Variants in KCTD16 observed in about 807,000 individuals in gnomAD.
KCTD16 encodes potassium channel tetramerization domain containing 16.
A neutral mutation model predicts 33.2 loss-of-function variants in KCTD16; 13 were observed. The observed-to-expected ratio is 0.39, with a 90% CI of 0.25 to 0.62. The LOEUF (loss-of-function observed/expected upper bound fraction) is 0.62, where lower values mean the gene tolerates loss of function less well. Ranked by LOEUF, KCTD16 falls within the 20% of genes least tolerant of loss-of-function variation. KCTD16 has a pLI of 0.50. For missense variants in KCTD16, 441 were observed against 525.1 expected (o/e 0.84, Z 1.57); for synonymous variants, 197 against 195.3 (o/e 1.01, Z -0.07).
In KCTD16 at chr5:144,249,725, G is replaced by A. The variant is rs1754644098; in HGVS notation, c.832+42179G>A. Among the ~76,000 whole-genome samples the A allele has an allele frequency of 4.6e-5, 7 of 152,158 alleles. No individual in the cohort carries two copies. In the South Asian group the frequency reaches 1.5e-3, roughly 32 times the overall value. On this transcript the variant is annotated intron_variant, in intron 3 of 3. Transcript: ENST00000512467. ...TTGTATTAACAATACAAGATCAATAGGTCAGGCTATCCGTATTTTATATAT... is the reference window on the plus strand; with the variant it reads ...TTGTATTAACAATACAAGATCAATAAGTCAGGCTATCCGTATTTTATATAT...
At chr5:144,362,852 A>C (rs1481302850) in intron 3 of KCTD16, among the ~76,000 whole-genome samples, 1 of 152,142 alleles carries the variant, frequency 6.6e-6, no homozygotes, top group Non-Finnish European at 1.5e-5. Context: ...CTTCCTTATC[A>C]GTGTAATGAG....
At chr5:144,400,519 G>T (rs1752679376) in intron 3 of KCTD16, among the ~76,000 whole-genome samples, 1 of 152,156 alleles carries the variant, frequency 6.6e-6, no homozygotes, top group African/African-American at 2.4e-5. Flanking sequence ...GGAAATAGGG[G>T]TGTGGAATAT....
intron 3 of KCTD16, among the ~76,000 whole-genome samples, chr5:144,267,029 C>T (rs753550037): frequency 1.3e-5 from 2 of 152,092 alleles, no homozygotes; most frequent in Admixed American, 6.6e-5. Context: ...ACACACATAC[C>T]TTGCATGCAG....
At chr5:144,355,441 G>T (rs1751549435) in intron 3 of KCTD16, among the ~76,000 whole-genome samples, 1 of 152,132 alleles carries the variant, frequency 6.6e-6, no homozygotes, top group Non-Finnish European at 1.5e-5. Flanking sequence ...TGTTAGGAAA[G>T]GTGAAACTTC....
At chr5:144,246,893 A>C (rs1561541936) in intron 3 of KCTD16, among the ~76,000 whole-genome samples, 1 of 152,170 alleles carries the variant, frequency 6.6e-6, no homozygotes, top group Non-Finnish European at 1.5e-5. Context: ...GGAGAGCATG[A>C]ACTTTGGAGT....
chr5:144,452,537 T>A (rs1427320722), intron 3 of KCTD16, among the ~76,000 whole-genome samples: 1 of 151,520 alleles, frequency 6.6e-6, no homozygotes, highest in Admixed American at 6.6e-5. Context: ...AGAAAGAGCA[T>A]TGCTAGATAA....
chr5:144,399,211 C>T (rs749423027), intron 3 of KCTD16, among the ~76,000 whole-genome samples: 4 of 152,116 alleles, frequency 2.6e-5, no homozygotes, highest in Admixed American at 1.3e-4. Context: ...ATACAGGTTA[C>T]CTAGCATAAG....
intron 3 of KCTD16, among the ~76,000 whole-genome samples, chr5:144,316,826 C>CCT (rs1751929308): frequency 1.8e-5 from 2 of 111,172 alleles, no homozygotes; most frequent in African/African-American, 3.4e-5. Context: ...GCCAGCATCC[C>CCT]TTTTTTTTTT....
At chr5:144,436,807 C>T (rs1024925373) in intron 3 of KCTD16, among the ~76,000 whole-genome samples, 3 of 152,030 alleles carry the variant, frequency 2.0e-5, no homozygotes, top group South Asian at 2.1e-4. Context: ...AGGCTGGTCT[C>T]GAACTCCTGA....
At chr5:144,397,376 A>G (rs1478088163) in intron 3 of KCTD16, among the ~76,000 whole-genome samples, 1 of 152,154 alleles carries the variant, frequency 6.6e-6, no homozygotes, top group African/African-American at 2.4e-5. Flanking sequence ...TAGTGCCGCA[A>G]TAAACATACG....
At chr5:144,408,692 A>G (rs1025248354) in intron 3 of KCTD16, among the ~76,000 whole-genome samples, 1 of 152,166 alleles carries the variant, frequency 6.6e-6, no homozygotes, top group African/African-American at 2.4e-5. Context: ...ATAAATCCAC[A>G]TATGTTACCT....
At chr5:144,313,641 T>C (rs547809691) in intron 3 of KCTD16, among the ~76,000 whole-genome samples, 15 of 152,332 alleles carry the variant, frequency 9.8e-5, no homozygotes, top group Non-Finnish European at 2.1e-4. Flanking sequence ...TAAACAGTAC[T>C]ACTCTCCTCT....
chr5:144,416,546 T>A (rs1175243599), intron 3 of KCTD16, among the ~76,000 whole-genome samples: 2 of 152,206 alleles, frequency 1.3e-5, no homozygotes, highest in Non-Finnish European at 2.9e-5. Context: ...TCCAAGTCAT[T>A]GTCCCTCCAC....
chr5:144,348,209 C>G (rs1396718883), intron 3 of KCTD16, among the ~76,000 whole-genome samples: 1 of 152,208 alleles, frequency 6.6e-6, no homozygotes, highest in Non-Finnish European at 1.5e-5. Context: ...GCATCTCCCA[C>G]AAGGCATATA....
chr5:144,394,430 A>C (rs551929098), intron 3 of KCTD16, among the ~76,000 whole-genome samples: 1 of 152,332 alleles, frequency 6.6e-6, no homozygotes, highest in South Asian at 2.1e-4. Context: ...TGGTATTGGC[A>C]ACACAAATGA....
intron 3 of KCTD16, among the ~76,000 whole-genome samples, chr5:144,288,159 A>T (rs1755799821): frequency 6.6e-6 from 1 of 152,178 alleles, no homozygotes; most frequent in South Asian, 2.1e-4. Context: ...TTTTCAAATG[A>T]TCCTTGGATC....
Position 144,206,722 on chromosome 5 carries a change from T to C in KCTD16, c.8T>C (p.Leu3Pro). The C allele has an allele frequency of 6.2e-7, 1 of 1,611,796 alleles. No individual in the cohort carries two copies. The highest frequency in any genetic ancestry group is 8.5e-7 in the Non-Finnish European group (1 of 1,178,498). The change falls in exon 3 of 4, where the codon CTG becomes CCG. Residue 3 changes from leucine to proline, a missense_variant. Leu to Pro is a moderately conservative substitution (Grantham distance 98). This residue lies in a region of KCTD16 where 80 missense variants were observed against 88.5 expected (regional missense o/e 0.90). Transcript: ENST00000512467. ...CAGCAGAAGAAAGGGACAATGGCTCTGAGTGGAAACTGTAGTCGTTATTAT... is the reference window on the plus strand; with the variant it reads ...CAGCAGAAGAAAGGGACAATGGCTCCGAGTGGAAACTGTAGTCGTTATTAT... MA[L>P]SGNCSRYYPR...
chr5:144,437,022 G>GC (rs1753595072), intron 3 of KCTD16, among the ~76,000 whole-genome samples: 1 of 152,174 alleles, frequency 6.6e-6, no homozygotes, highest in South Asian at 2.1e-4. Context: ...TAAGCAAAAA[G>GC]AATGTTACTG....
intron 3 of KCTD16, among the ~76,000 whole-genome samples, chr5:144,401,918 G>A (rs761660352): frequency 1.3e-5 from 2 of 152,146 alleles, no homozygotes; most frequent in Admixed American, 6.6e-5. Context: ...TAGGCATGTT[G>A]GATTCCTGTT....
Sources: allele counts gnomAD v4.1 joint callset (sites outside exome capture counted in the v4.1 genomes callset), GRCh38; gene constraint gnomAD v4.1.1; regional missense constraint gnomAD v4.1.1; transcripts MANE v1.5; gene names NCBI Gene and HGNC (gene_info 2026-07-23, HGNC 2026-07-21).